The following DARS1 variants were observed in gnomAD, a reference collection of about 807,000 sequenced individuals.
DARS1 encodes the protein aspartyl-tRNA synthetase 1, also known as aspartate--tRNA ligase, cytoplasmic.
In DARS1, 51 loss-of-function variants were observed where a neutral mutation model predicts 68.8. The observed-to-expected ratio is 0.74, with a 90% CI of 0.59 to 0.94. The LOEUF (loss-of-function observed/expected upper bound fraction) is 0.94. Ranked by LOEUF, DARS1 falls within the 40% of genes least tolerant of loss-of-function variation. DARS1 has a pLI of 0.00. For synonymous variants in DARS1, 203 were observed against 190.4 expected, an observed-to-expected ratio of 1.07 and a Z score of -0.55; for missense variants, 607 against 597.3, an observed-to-expected ratio of 1.02 and a Z score of -0.17.
chr2:135,919,319 C>T (rs576897912), intron 10 of DARS1, among the ~76,000 whole-genome samples: 9 of 152,320 alleles, frequency 5.9e-5, no homozygotes, highest in African/African-American at 2.2e-4. Flanking sequence ...GCGTGAGCCA[C>T]CTTGCCAGGC....
intron 5 of DARS1, among the ~76,000 whole-genome samples, chr2:135,936,868 A>C (rs1240093676): frequency 6.6e-6 from 1 of 152,192 alleles, no homozygotes; most frequent in Non-Finnish European, 1.5e-5. Context: ...ATATAGGCCT[A>C]TCTCTGAATC....
chr2:135,933,871 T>C (rs1681406150), intron 6 of DARS1, 39 bp downstream of exon 6: 2 of 1,591,006 alleles, frequency 1.3e-6, no homozygotes, highest in East Asian at 2.3e-5. Context: ...AAACTAAATA[T>C]ACAGCGGAAG....
Position 135,961,448 on chromosome 2 carries a change from G to C in DARS1, c.268C>G (p.Leu90Val), listed in dbSNP as rs761874451. Residue 90 changes from leucine to valine, a missense_variant, in exon 4 of 16, where the codon CTT becomes GTT. Physicochemically the swap from Leu to Val is conservative, Grantham distance 32 (BLOSUM62 1). Coordinates refer to ENST00000264161, the MANE Select transcript of DARS1 (RefSeq NM_001349.4). The part of the protein sequence containing the change: ...LRQQQFNVQA[L>V]VAVGDHASKQ... ...CTTGCATGGTCTCCCACCGCCACAA[G>C]AGCCTGGACATTAAACTGCTGCTGA... The C allele has an allele frequency of 7.0e-6, 11 of 1,565,040 alleles. No homozygotes were observed. The highest frequency in any genetic ancestry group is 9.7e-6 in the Non-Finnish European group (11 of 1,135,314).
At chr2:135,981,495 T>C (rs906730804) in intron 2 of DARS1, among the ~76,000 whole-genome samples, 4 of 152,132 alleles carry the variant, frequency 2.6e-5, no homozygotes, top group East Asian at 1.9e-4. Flanking sequence ...TCGGAGGATT[T>C]TGGATTTTCA....
At chr2:135,938,547 T>C (rs898503092) in intron 5 of DARS1, among the ~76,000 whole-genome samples, 8 of 152,200 alleles carry the variant, frequency 5.3e-5, no homozygotes, top group African/African-American at 1.9e-4. Context: ...AGGAGCTGCG[T>C]TCCTTTGGAG....
At chr2:135,973,543 T>C (rs1474116679) in intron 3 of DARS1, among the ~76,000 whole-genome samples, 1 of 151,830 alleles carries the variant, frequency 6.6e-6, no homozygotes, top group African/African-American at 2.4e-5. Context: ...CAATAATAAT[T>C]GTACATTTAA....
At chr2:135,929,302 C>G (rs982307513) in intron 7 of DARS1, among the ~76,000 whole-genome samples, 1 of 152,094 alleles carries the variant, frequency 6.6e-6, no homozygotes, top group Non-Finnish European at 1.5e-5. Flanking sequence ...ATGGCAGCCC[C>G]GAGTCCCCAA....
At chr2:135,928,672 CTTTTTT>C (rs755852990) in intron 7 of DARS1, among the ~76,000 whole-genome samples, 2 of 134,816 alleles carry the variant, frequency 1.5e-5, no homozygotes, top group Admixed American at 1.5e-4. Context: ...TTTCTTTTTC[CTTTTTT>C]TTTTTTTTTG....
chr2:135,912,880 A>G (rs976448466), intron 12 of DARS1, among the ~76,000 whole-genome samples: 1 of 151,420 alleles, frequency 6.6e-6, no homozygotes, highest in East Asian at 1.9e-4. Context: ...CTTAAGCAGG[A>G]GCCTGGCTAA....
intron 10 of DARS1, among the ~76,000 whole-genome samples, chr2:135,919,926 G>C (rs1182428852): frequency 6.6e-6 from 1 of 152,148 alleles, no homozygotes; most frequent in Non-Finnish European, 1.5e-5. Context: ...TTGACTGAAG[G>C]AACTTTTTGC....
chr2:135,918,021 G>C (rs969273269), intron 10 of DARS1, among the ~76,000 whole-genome samples: 1 of 152,094 alleles, frequency 6.6e-6, no homozygotes, highest in Non-Finnish European at 1.5e-5. Flanking sequence ...CTGGGTTCAA[G>C]CAATTCTCCT....
At chr2:135,939,108 A>G (rs559913307) in intron 5 of DARS1, among the ~76,000 whole-genome samples, 12 of 152,338 alleles carry the variant, frequency 7.9e-5, no homozygotes, top group African/African-American at 2.6e-4. Flanking sequence ...AATGAGACAG[A>G]AAGATAACAA....
At chr2:135,923,079 T>G (rs955112735) in intron 8 of DARS1, among the ~76,000 whole-genome samples, 161 bp from the exon 9 acceptor site, 1 of 152,212 alleles carries the variant, frequency 6.6e-6, no homozygotes, top group African/African-American at 2.4e-5. Flanking sequence ...ATCTTCTATG[T>G]GATTCTAAAT....
Position 135,907,284 on chromosome 2 carries a change from T to TCCA in DARS1, c.*29_*31dup. ...TTTGAGGCAGGGTCTCGCTCTGTCA[T>TCCA]CCACACTGGAGTTAAGTGGCAAAGT... On this transcript the variant is annotated 3_prime_UTR_variant, in exon 16 of 16. Transcript: ENST00000264161. 1.1e-6 allele frequency: 1 copy of TCCA among 906,546 alleles called. No individual in the cohort carries two copies. Among genetic ancestry groups the TCCA allele is most frequent in the Non-Finnish European group, 1.7e-6 (1 of 586,962 alleles). The allele number at this position is 906,546 out of a possible 1,614,324, so 56.2% of individuals were successfully genotyped here. A position where few individuals can be genotyped will look rare whatever the true frequency, so the allele number is the denominator to read the frequency against.
intron 5 of DARS1, among the ~76,000 whole-genome samples, chr2:135,939,491 C>T (rs1459398718): frequency 6.6e-6 from 1 of 152,194 alleles, no homozygotes; most frequent in East Asian, 1.9e-4. Context: ...ACCAGAATCT[C>T]TGGGACACAT....
intron 10 of DARS1, among the ~76,000 whole-genome samples, chr2:135,918,366 T>A (rs1352476294): frequency 6.6e-6 from 1 of 152,174 alleles, no homozygotes; most frequent in Non-Finnish European, 1.5e-5. Context: ...TGGATATATA[T>A]ACAATACATA....
At chr2:135,985,236 T>G (rs1160745040) in intron 1 of DARS1, 167 bp downstream of exon 1, 4 of 1,139,742 alleles carry the variant, frequency 3.5e-6, no homozygotes, top group Non-Finnish European at 4.8e-6. Flanking sequence ...GGAGAGGGTC[T>G]GGCCCCACTG....
intron 7 of DARS1, among the ~76,000 whole-genome samples, chr2:135,930,405 C>T (rs1370047424): frequency 6.6e-6 from 1 of 152,126 alleles, no homozygotes; most frequent in Non-Finnish European, 1.5e-5. Flanking sequence ...AATTGTCTAT[C>T]CCCTTGGCAT....
In DARS1 at chr2:135,907,418, C is replaced by G. The variant is rs1206183632; in HGVS notation, c.1415-11G>C. ...TAACTCGTTCCAATCCTGGGGAAGA[C>G]AAAAATAATCATTAATTCCTTTTTG... On this transcript the variant is annotated splice_polypyrimidine_tract_variant and intron_variant, in intron 15 of 15. Transcript: ENST00000264161. 1 of 1,581,550 alleles carries G rather than the reference C, an allele frequency of 6.3e-7. No homozygotes were observed. The highest frequency in any genetic ancestry group is 1.4e-5 in the African/African-American group (1 of 73,794).
Sources: gnomAD v4.1 joint callset for allele counts (sites outside exome capture counted in the v4.1 genomes callset) on GRCh38, gnomAD v4.1.1 for gene constraint, MANE v1.5 for transcripts, NCBI Gene and HGNC (gene_info 2026-07-23, HGNC 2026-07-21) for gene names.